The following LURAP1L variants were observed in gnomAD, a reference collection of about 807,000 sequenced individuals.
LURAP1L encodes the protein leucine rich adaptor protein 1-like.
A neutral mutation model predicts 13.8 loss-of-function variants in LURAP1L; 12 were observed. The observed-to-expected ratio is 0.87, with a 90% CI of 0.56 to 1.41. The LOEUF is 1.41. LURAP1L is among the 40% of genes most tolerant of loss of function. The pLI is 0.00. For missense variants in LURAP1L, 375 were observed against 292.9 expected (o/e 1.28, Z -2.04); for synonymous variants, 139 against 119.2 (o/e 1.17, Z -1.08).
chr9:12,783,142 T>C (rs1277206977), intron 1 of LURAP1L, among the ~76,000 whole-genome samples: 1 of 152,148 alleles, frequency 6.6e-6, no homozygotes, highest in Non-Finnish European at 1.5e-5. Flanking sequence ...TAAGATTATA[T>C]CATTTGCAAA....
chr9:12,783,956 T>C (rs1313495930), intron 1 of LURAP1L, among the ~76,000 whole-genome samples: 1 of 152,138 alleles, frequency 6.6e-6, no homozygotes. Context: ...TGATCAGTTC[T>C]GTTGAGAGAC....
chr9:12,807,102 T>TATATATATTTTATTATATATATATA (rs1819670109), intron 1 of LURAP1L, among the ~76,000 whole-genome samples: 1 of 131,724 alleles, frequency 7.6e-6, no homozygotes, highest in Admixed American at 8.6e-5. Flanking sequence ...AAAATATATA[T>TATATATATTTTATTATATATATATA]ATATATATAT....
chr9:12,816,200 C>T (rs549506520), intron 1 of LURAP1L, among the ~76,000 whole-genome samples: 3 of 152,202 alleles, frequency 2.0e-5, no homozygotes, highest in South Asian at 2.1e-4. Flanking sequence ...TGTTATAAGA[C>T]GTTATTAAAT....
At position 12,782,573 on chromosome 9, in the gene LURAP1L, C is replaced by T. The variant is rs915277457; in HGVS notation, c.312+6546C>T. 2.0e-5 allele frequency among the ~76,000 whole-genome samples: 3 copies of T among 152,200 alleles called. No homozygotes were observed. The South Asian group carries it at 6.2e-4, about 32-fold the overall frequency. ...AGGTATGTGAATTTGTTTGTCAGTT[C>T]TCCATTTTGTTCCATTGCTCAGTGT... is the stretch of plus-strand genomic sequence containing the variant. On this transcript the variant is annotated intron_variant, in intron 1 of 1. Transcript: ENST00000319264.
chr9:12,820,261 T>C (rs560631251), intron 1 of LURAP1L, among the ~76,000 whole-genome samples: 7 of 152,130 alleles, frequency 4.6e-5, no homozygotes, highest in South Asian at 2.1e-4. Flanking sequence ...TCCCAGCACT[T>C]TGGGAGGCCG....
At chr9:12,795,262 T>C (rs1819497647) in intron 1 of LURAP1L, among the ~76,000 whole-genome samples, 1 of 152,038 alleles carries the variant, frequency 6.6e-6, no homozygotes, top group Non-Finnish European at 1.5e-5. Context: ...ATCCTTCAGG[T>C]CACACCACTG....
At chr9:12,818,788 G>C (rs958287474) in intron 1 of LURAP1L, among the ~76,000 whole-genome samples, 3 of 152,156 alleles carry the variant, frequency 2.0e-5, no homozygotes, top group African/African-American at 4.8e-5. Context: ...AGAGGGTGGA[G>C]ATGTGAATAA....
intron 1 of LURAP1L, among the ~76,000 whole-genome samples, chr9:12,787,082 C>G (rs79931912): frequency 0.03 from 4,577 of 152,088 alleles, 331 homozygotes; most frequent in East Asian, 0.28. Context: ...CATATTATTG[C>G]TAAAACATGC....
At chr9:12,818,484 G>C (rs1563900001) in intron 1 of LURAP1L, among the ~76,000 whole-genome samples, 3 of 152,162 alleles carry the variant, frequency 2.0e-5, no homozygotes, top group Non-Finnish European at 4.4e-5. Flanking sequence ...GAAGAAATGT[G>C]AGACATGGCT....
chr9:12,799,933 A>T (rs555706175), intron 1 of LURAP1L, among the ~76,000 whole-genome samples: 5 of 152,052 alleles, frequency 3.3e-5, no homozygotes, highest in Non-Finnish European at 7.4e-5. Flanking sequence ...TTTACACAGC[A>T]TAATGTTTTG....
chr9:12,816,440 G>C (rs1465016014), intron 1 of LURAP1L, among the ~76,000 whole-genome samples: 1 of 152,180 alleles, frequency 6.6e-6, no homozygotes, highest in Non-Finnish European at 1.5e-5. Flanking sequence ...CAAATAGGAA[G>C]ATAGTGGCAG....
chr9:12,787,084 A>G (rs932535356), intron 1 of LURAP1L, among the ~76,000 whole-genome samples: 1 of 152,182 alleles, frequency 6.6e-6, no homozygotes, highest in Non-Finnish European at 1.5e-5. Context: ...TATTATTGCT[A>G]AAACATGCAA....
intron 1 of LURAP1L, among the ~76,000 whole-genome samples, chr9:12,787,249 G>A (rs1399924082): frequency 2.6e-5 from 4 of 152,032 alleles, no homozygotes; most frequent in Non-Finnish European, 5.9e-5. Context: ...TACCTTAGCT[G>A]TAATGATAGA....
intron 1 of LURAP1L, among the ~76,000 whole-genome samples, chr9:12,815,120 G>A (rs1411872738): frequency 1.3e-5 from 2 of 152,148 alleles, no homozygotes; most frequent in Non-Finnish European, 2.9e-5. Context: ...TGAGAAAACA[G>A]AGGAGTGATT....
intron 1 of LURAP1L, among the ~76,000 whole-genome samples, chr9:12,786,547 C>CATATATATATATATAT (rs67654649): frequency 0.024 from 1,280 of 52,804 alleles, 96 homozygotes; most frequent in African/African-American, 0.03. Context: ...ATATATATGA[C>CATATATATATATATAT]ATATATATAT....
intron 1 of LURAP1L, among the ~76,000 whole-genome samples, chr9:12,812,914 G>A (rs1312643068): frequency 6.6e-6 from 1 of 152,068 alleles, no homozygotes; most frequent in African/African-American, 2.4e-5. Flanking sequence ...ACAATGCTGA[G>A]TCATTTATAT....
intron 1 of LURAP1L, among the ~76,000 whole-genome samples, chr9:12,788,184 A>AAAGAAAGAAAGAAAGAAAGG (rs1563889096): frequency 5.4e-5 from 8 of 147,602 alleles, no homozygotes; most frequent in African/African-American, 2.0e-4. Context: ...AGAAAGAAAG[A>AAAGAAAGAAAGAAAGAAAGG]AAGAAAGAAA....
intron 1 of LURAP1L, among the ~76,000 whole-genome samples, chr9:12,796,313 G>T (rs374582930): frequency 6.6e-6 from 1 of 151,764 alleles, no homozygotes; most frequent in African/African-American, 2.4e-5. Flanking sequence ...TTATCCAGAG[G>T]CCATTTTTGT....
chr9:12,821,807 C>A lies in LURAP1L; in HGVS notation c.*47C>A. The A allele has an allele frequency of 6.5e-7, 1 of 1,549,668 alleles. No homozygotes were observed. On this transcript the variant is annotated 3_prime_UTR_variant, in exon 2 of 2. Coordinates refer to ENST00000319264, the MANE Select transcript of LURAP1L (RefSeq NM_203403.2). ...TGGTGTGCAATGAACTTGTATTTAT[C>A]CTTCTTCTCCGCTGCTATATTTTTG...
Sources: allele counts gnomAD v4.1 joint callset (sites outside exome capture counted in the v4.1 genomes callset), GRCh38; gene constraint gnomAD v4.1.1; transcripts MANE v1.5; gene names NCBI Gene and HGNC (gene_info 2026-07-23, HGNC 2026-07-21).